ADAM29: variants seen among roughly 807,000 people sequenced by gnomAD.
The protein encoded by ADAM29 is disintegrin and metalloproteinase domain-containing protein 29.
For synonymous variants in ADAM29, 367 were observed against 342.3 expected (o/e 1.07, Z -0.80); for missense variants, 969 against 1,001.8 (o/e 0.97, Z 0.44).
intron 4 of ADAM29, among the ~76,000 whole-genome samples, chr4:174,963,988 C>T (rs1189711156): frequency 1.3e-5 from 2 of 152,084 alleles, no homozygotes; most frequent in Non-Finnish European, 2.9e-5. Context: ...TTAATTTAAA[C>T]ATAGTTTGAT....
chr4:174,953,455 A>C lies in ADAM29; in HGVS notation c.-181+16442A>C, dbSNP rs550213737. 5.9e-5 allele frequency among the ~76,000 whole-genome samples: 9 copies of C among 152,342 alleles called. No individual in the cohort carries two copies. The South Asian group carries it at 1.7e-3, about 28-fold the overall frequency. ...GGAATAAAATAAGCAAAAATAGCAG[A>C]TATTTGTTCAATTTTCACATCCTAC... is the stretch of plus-strand genomic sequence containing the variant. On this transcript the variant is annotated intron_variant, in intron 4 of 4. Transcript: ENST00000359240.
Position 174,975,942 on chromosome 4 carries a change from A to G in ADAM29, c.417A>G (p.Leu139=). ...ACTTTGCTTATGAAATCAAGCCCCT[A>G]GCATTTTCTACCACGTTTGAACATC... The part of the protein sequence containing the change: ...INDFAYEIKP[L]AFSTTFEHLV... The change falls in exon 5 of 5, where the codon CTA becomes CTG. Residue 139 remains leucine (L), a synonymous_variant. Coordinates refer to ENST00000359240, the MANE Select transcript of ADAM29 (RefSeq NM_014269.4). 6.2e-7 allele frequency: 1 copy of G among 1,614,142 alleles called. No individual in the cohort carries two copies. Among genetic ancestry groups the G allele is most frequent in the Non-Finnish European group, 8.5e-7 (1 of 1,180,000 alleles).
At chr4:174,973,757 C>A (rs1579084436) in intron 4 of ADAM29, among the ~76,000 whole-genome samples, 1 of 152,144 alleles carries the variant, frequency 6.6e-6, no homozygotes, top group South Asian at 2.1e-4. Context: ...CTGGTGCCAT[C>A]TGGGGCAGAA....
intron 4 of ADAM29, among the ~76,000 whole-genome samples, chr4:174,968,708 G>A (rs534477927): frequency 2.0e-5 from 3 of 151,928 alleles, no homozygotes; most frequent in South Asian, 2.1e-4. Flanking sequence ...AAAGATTATT[G>A]TGGATATTCC....
chr4:174,953,815 T>C (rs1745331342), intron 4 of ADAM29, among the ~76,000 whole-genome samples: 1 of 152,186 alleles, frequency 6.6e-6, no homozygotes, highest in South Asian at 2.1e-4. Context: ...GTTCAAGCTA[T>C]TCTCCTCCCT....
At chr4:174,944,333 TA>T (rs1340935235) in intron 4 of ADAM29, among the ~76,000 whole-genome samples, 3 of 152,230 alleles carry the variant, frequency 2.0e-5, no homozygotes, top group African/African-American at 2.4e-5. Flanking sequence ...AAAGATAGTT[TA>T]AAAAAATTAA....
intron 4 of ADAM29, among the ~76,000 whole-genome samples, chr4:174,939,776 T>C (rs1024070414): frequency 1.3e-5 from 2 of 152,124 alleles, no homozygotes; most frequent in African/African-American, 4.8e-5. Context: ...AATACACCTT[T>C]AGATGGAAAG....
At chr4:174,954,385 T>A (rs1301675484) in intron 4 of ADAM29, among the ~76,000 whole-genome samples, 1 of 152,190 alleles carries the variant, frequency 6.6e-6, no homozygotes, top group Non-Finnish European at 1.5e-5. Context: ...GTGGTCTCTC[T>A]CCACTGAAGT....
chr4:174,952,301 CAT>C (rs1175349552), intron 4 of ADAM29, among the ~76,000 whole-genome samples: 4 of 151,770 alleles, frequency 2.6e-5, no homozygotes, highest in Non-Finnish European at 5.9e-5. Flanking sequence ...ACAAGTCACA[CAT>C]GTCTCTCCCC....
At chr4:174,939,788 A>G (rs1744423259) in intron 4 of ADAM29, among the ~76,000 whole-genome samples, 1 of 152,206 alleles carries the variant, frequency 6.6e-6, no homozygotes, top group African/African-American at 2.4e-5. Context: ...GATGGAAAGA[A>G]ACAAACAAGC....
At chr4:174,944,370 A>T (rs1343728857) in intron 4 of ADAM29, among the ~76,000 whole-genome samples, 1 of 152,210 alleles carries the variant, frequency 6.6e-6, no homozygotes, top group Non-Finnish European at 1.5e-5. Context: ...TAATAAAATC[A>T]GCACTCTGCC....
At chr4:174,952,483 T>TA (rs1283157243) in intron 4 of ADAM29, among the ~76,000 whole-genome samples, 3 of 152,174 alleles carry the variant, frequency 2.0e-5, no homozygotes, top group Non-Finnish European at 4.4e-5. Context: ...ACAGCACTGT[T>TA]AGTCAGGACC....
chr4:174,921,962 A>G (rs1434722286), intron 2 of ADAM29, among the ~76,000 whole-genome samples: 2 of 152,234 alleles, frequency 1.3e-5, no homozygotes, highest in South Asian at 2.1e-4. Flanking sequence ...ATCAGGTATT[A>G]TAACAATTAA....
chr4:174,962,590 A>G (rs1745905302), intron 4 of ADAM29, among the ~76,000 whole-genome samples: 1 of 152,100 alleles, frequency 6.6e-6, no homozygotes, highest in Admixed American at 6.5e-5. Flanking sequence ...ACTGATGACA[A>G]TATATTGTAT....
intron 2 of ADAM29, among the ~76,000 whole-genome samples, chr4:174,923,009 G>A (rs28592877): frequency 0.029 from 4,426 of 152,082 alleles, 212 homozygotes; most frequent in African/African-American, 0.1. Flanking sequence ...AGGAGTTAAA[G>A]TTACTCAAGC....
chr4:174,967,536 G>A (rs1032642021), intron 4 of ADAM29, among the ~76,000 whole-genome samples: 1 of 152,046 alleles, frequency 6.6e-6, no homozygotes, highest in South Asian at 2.1e-4. Context: ...TTCAAAATGT[G>A]CTAATTTCCT....
chr4:174,937,377 T>C (rs180844516), intron 4 of ADAM29, among the ~76,000 whole-genome samples: 296 of 152,204 alleles, frequency 1.9e-3, no homozygotes, highest in African/African-American at 6.9e-3. Context: ...AAAATCATAT[T>C]ACTTTGATAT....
At chr4:174,965,181 T>A (rs1746075178) in intron 4 of ADAM29, among the ~76,000 whole-genome samples, 2 of 152,168 alleles carry the variant, frequency 1.3e-5, no homozygotes, top group African/African-American at 2.4e-5. Flanking sequence ...GACTCCCTCA[T>A]GCTGCTTCCT....
rs1744242113 is a variant in ADAM29 at position 174,937,003 on chromosome 4, T to G, written c.-191T>G. 1 of 152,032 alleles carries G rather than the reference T, an allele frequency of 6.6e-6. No individual in the cohort carries two copies. Among genetic ancestry groups the G allele is most frequent in the African/African-American group, 2.4e-5 (1 of 41,448 alleles). The allele number at this position is 152,032 out of a possible 1,614,324, so 9.4% of individuals were successfully genotyped here. A position where few individuals can be genotyped will look rare whatever the true frequency, so the allele number is the denominator to read the frequency against. On this transcript the variant is annotated 5_prime_UTR_variant, in exon 4 of 5. Transcript: ENST00000359240. The stretch of plus-strand genomic sequence containing the variant: ...TTCTCTTCTCTAAAAATAATCAATT[T>G]GTTACTACAGGTAAATTAATTTCAC...
Sources: allele counts gnomAD v4.1 joint callset (sites outside exome capture counted in the v4.1 genomes callset), GRCh38; gene constraint gnomAD v4.1.1; transcripts MANE v1.5; gene names NCBI Gene and HGNC (gene_info 2026-07-23, HGNC 2026-07-21).